RAB6B: variants seen among roughly 807,000 people sequenced by gnomAD.
RAB6B encodes ras-related protein Rab-6B.
RAB6B carries 7 observed loss-of-function variants against 31.2 expected under a neutral mutation model. The ratio of observed to expected loss-of-function variants is 0.22; its 90% CI spans 0.13 to 0.42. The LOEUF (loss-of-function observed/expected upper bound fraction) is 0.42, where lower values mean the gene tolerates loss of function less well. Among genes scored for constraint, RAB6B ranks in the 10% least tolerant of loss-of-function variants. The pLI, the probability that RAB6B is intolerant of heterozygous loss-of-function variation, is 1.00. For synonymous variants in RAB6B, 105 were observed against 104.9 expected (o/e 1.00, Z -0.01); for missense variants, 149 against 280.6 (o/e 0.53, Z 3.35).
In RAB6B at chr3:133,827,785, C is replaced by T. The variant is rs1935593342; in HGVS notation, c.*1003G>A. The T allele has an allele frequency of 3.3e-6, 1 of 299,684 alleles. No individual in the cohort carries two copies. Among genetic ancestry groups the T allele is most frequent in the Non-Finnish European group, 7.0e-6 (1 of 143,052 alleles). 18.6% of individuals were successfully genotyped at this position (299,684 alleles called of 1,614,324 possible). ...CCGCCTCCCCATCACAGAGGATCAA[C>T]TCCAGGTGGTCCAGCTTCCCTGACA... On this transcript the variant is annotated 3_prime_UTR_variant, in exon 8 of 8. Transcript: ENST00000285208.
intron 2 of RAB6B, among the ~76,000 whole-genome samples, chr3:133,863,822 A>G (rs1936196296): frequency 6.6e-6 from 1 of 152,186 alleles, no homozygotes; most frequent in South Asian, 2.1e-4. Flanking sequence ...TTTTTCTTTA[A>G]AAGAGTTGAA....
At chr3:133,836,806 G>A (rs1484475235) in intron 6 of RAB6B, among the ~76,000 whole-genome samples, 2 of 152,202 alleles carry the variant, frequency 1.3e-5, no homozygotes, top group Non-Finnish European at 2.9e-5. Flanking sequence ...AAGCCCTGAT[G>A]AGGACACTCT....
chr3:133,867,034 G>C (rs1936247730), intron 1 of RAB6B, among the ~76,000 whole-genome samples: 1 of 152,212 alleles, frequency 6.6e-6, no homozygotes, highest in Admixed American at 6.5e-5. Flanking sequence ...AAGCCACTAA[G>C]GGCACAGAAA....
chr3:133,834,196 C>T (rs1363800808), intron 7 of RAB6B, among the ~76,000 whole-genome samples: 5 of 152,066 alleles, frequency 3.3e-5, no homozygotes, highest in African/African-American at 4.8e-5. Context: ...GACTGAACCA[C>T]GTTGAGATCA....
rs145404929 is a variant in RAB6B at position 133,828,864 on chromosome 3, C to T, written c.563-12G>A. The T allele has an allele frequency of 1.6e-5, 26 of 1,606,122 alleles. No homozygotes were observed. Among genetic ancestry groups the T allele is most frequent in the Middle Eastern group, 3.3e-4 (2 of 6,012 alleles). On this transcript the variant is annotated splice_polypyrimidine_tract_variant and intron_variant, in intron 7 of 7. Transcript: ENST00000285208. ...CTTGATGTCGATCACTGCAGGGGGACGGGCTAAGGAAGATGACTCTCCTGG... is the reference window on the plus strand; with the variant it reads ...CTTGATGTCGATCACTGCAGGGGGATGGGCTAAGGAAGATGACTCTCCTGG...
chr3:133,853,501 C>G (rs1328147038), intron 2 of RAB6B, among the ~76,000 whole-genome samples: 1 of 151,470 alleles, frequency 6.6e-6, no homozygotes. Flanking sequence ...TCAATGCTCC[C>G]CAGGACAGAC....
chr3:133,867,724 G>A (rs1250188118), intron 1 of RAB6B, among the ~76,000 whole-genome samples: 1 of 152,212 alleles, frequency 6.6e-6, no homozygotes, highest in Non-Finnish European at 1.5e-5. Context: ...ACTGGTCACT[G>A]AGGTGCCCTG....
Position 133,827,755 on chromosome 3 carries a change from C to CCCCCCCCCCCCCCCCCCCCCCCCA in RAB6B, c.*1032_*1033insTGGGGGGGGGGGGGGGGGGGGGGG. On this transcript the variant is annotated 3_prime_UTR_variant, in exon 8 of 8. Transcript: ENST00000285208. ...TGGTTCTGCAGACAACACCCCCCCC[C>CCCCCCCCCCCCCCCCCCCCCCCCA]CCCCCCGCCTCCCCATCACAGAGGA... 2 of 103,374 alleles carry CCCCCCCCCCCCCCCCCCCCCCCCA rather than the reference C, an allele frequency of 1.9e-5. 1 individual carries two copies. The allele number at this position is 103,374 out of a possible 1,614,324, so 6.4% of individuals were successfully genotyped here. A position where few individuals can be genotyped will look rare whatever the true frequency, so the allele number is the denominator to read the frequency against.
At chr3:133,851,577 G>A (rs1935984897) in intron 2 of RAB6B, among the ~76,000 whole-genome samples, 1 of 152,168 alleles carries the variant, frequency 6.6e-6, no homozygotes, top group Non-Finnish European at 1.5e-5. Context: ...GAAGGAAGGA[G>A]GACACATGAG....
chr3:133,861,956 C>T (rs571196386), intron 2 of RAB6B, among the ~76,000 whole-genome samples: 7 of 152,190 alleles, frequency 4.6e-5, no homozygotes, highest in Admixed American at 3.3e-4. Flanking sequence ...GTCTACTTCT[C>T]GAATGCCTCT....
intron 2 of RAB6B, among the ~76,000 whole-genome samples, chr3:133,851,221 T>C (rs1016960484): frequency 1.3e-5 from 2 of 152,114 alleles, no homozygotes; most frequent in Admixed American, 1.3e-4. Context: ...CTGGAAGAAA[T>C]TGTGAGCATC....
At chr3:133,861,173 TG>T (rs1486478840) in intron 2 of RAB6B, among the ~76,000 whole-genome samples, 1 of 152,258 alleles carries the variant, frequency 6.6e-6, no homozygotes, top group African/African-American at 2.4e-5. Flanking sequence ...ATGCACATAC[TG>T]GAAGGTTTTT....
intron 2 of RAB6B, among the ~76,000 whole-genome samples, chr3:133,842,096 C>T (rs1356861296): frequency 1.3e-5 from 2 of 152,202 alleles, no homozygotes; most frequent in Admixed American, 6.5e-5. Context: ...ACACTGACCT[C>T]GGGAGGGTGG....
chr3:133,839,610 G>A lies in RAB6B; in HGVS notation c.297C>T (p.Asn99=). The A allele has an allele frequency of 1.9e-6, 3 of 1,611,720 alleles. No individual in the cohort carries two copies. Among genetic ancestry groups the A allele is most frequent in the Non-Finnish European group, 1.7e-6 (2 of 1,177,736 alleles). ...AVVVYDITNL[N]SFQQTSKWID... ...TCCACTTAGAGGTCTGTTGGAAGGA[G>A]TTGAGATCTGGAGGCAGAAAGTGAG... Residue 99 remains asparagine (N), a synonymous_variant, in exon 5 of 8, where the codon AAC becomes AAT. Coordinates refer to ENST00000285208, the MANE Select transcript of RAB6B (RefSeq NM_016577.4).
At chr3:133,866,192 A>T (rs1237791208) in intron 1 of RAB6B, among the ~76,000 whole-genome samples, 1 of 152,222 alleles carries the variant, frequency 6.6e-6, no homozygotes, top group Non-Finnish European at 1.5e-5. Context: ...CAGTTTCCAG[A>T]ATATCAGATG....
chr3:133,824,758 G>C lies in RAB6B; in HGVS notation c.*4030C>G, dbSNP rs1393183655. On this transcript the variant is annotated 3_prime_UTR_variant, in exon 8 of 8. Transcript: ENST00000285208. ...ACCAATATTCTCACTCATATGCTGGGAAGAACCTAGTGTCCTAACCAAAAA... is the reference window on the plus strand; with the variant it reads ...ACCAATATTCTCACTCATATGCTGGCAAGAACCTAGTGTCCTAACCAAAAA... 1 of 152,148 alleles carries C rather than the reference G, an allele frequency of 6.6e-6. No homozygotes were observed. The highest frequency in any genetic ancestry group is 2.4e-5 in the African/African-American group (1 of 41,400). 9.4% of individuals were successfully genotyped at this position (152,148 alleles called of 1,614,324 possible).
intron 1 of RAB6B, among the ~76,000 whole-genome samples, chr3:133,888,875 C>T (rs1374465386): frequency 1.3e-5 from 2 of 152,124 alleles, no homozygotes; most frequent in African/African-American, 2.4e-5. Context: ...GTCCCCAGGC[C>T]CTGCTTGGAG....
At position 133,868,518 on chromosome 3, in the gene RAB6B, C is replaced by T. The variant is rs922717809; in HGVS notation, c.71-3876G>A. On this transcript the variant is annotated intron_variant, in intron 1 of 7. Transcript: ENST00000285208. Reference sequence around the variant, plus strand: ...CAAGGTCACACCGCTGTGCTTCTACCGCAGCTCTCGGACACCACTGCAGCA... The same window carrying T: ...CAAGGTCACACCGCTGTGCTTCTACTGCAGCTCTCGGACACCACTGCAGCA... Among the ~76,000 whole-genome samples the T allele has an allele frequency of 2.0e-4, 30 of 152,350 alleles. 1 individual carries two copies. In the South Asian group the frequency reaches 2.1e-3, roughly 11 times the overall value.
intron 7 of RAB6B, among the ~76,000 whole-genome samples, chr3:133,830,847 G>A (rs73861227): frequency 0.014 from 2,107 of 152,244 alleles, 51 homozygotes; most frequent in African/African-American, 0.048. Context: ...TTATGAGGGC[G>A]TCCTGTGCAC....
Sources: allele counts gnomAD v4.1 joint callset (sites outside exome capture counted in the v4.1 genomes callset), GRCh38; gene constraint gnomAD v4.1.1; transcripts MANE v1.5; gene names NCBI Gene and HGNC (gene_info 2026-07-23, HGNC 2026-07-21).